The following CDH13 variants were observed in gnomAD, a reference collection of about 807,000 sequenced individuals.
CDH13 encodes the protein cadherin 13.
CDH13 carries 24 observed loss-of-function variants against 63.8 expected under a neutral mutation model. The ratio of observed to expected loss-of-function variants is 0.38; its 90% confidence interval spans 0.27 to 0.53. The LOEUF (loss-of-function observed/expected upper bound fraction) is 0.53, where lower values mean the gene tolerates loss of function less well. CDH13 is among the 20% of genes least tolerant of loss of function. CDH13 has a pLI of 0.85. For missense variants in CDH13, 1,049 were observed against 903.1 expected (o/e 1.16, Z -2.07); for synonymous variants, 503 against 355.3 (o/e 1.42, Z -4.67).
intron 1 of CDH13, among the ~76,000 whole-genome samples, chr16:82,830,839 G>A (rs1244816046): frequency 6.6e-6 from 1 of 152,184 alleles, no homozygotes; most frequent in Non-Finnish European, 1.5e-5. Context: ...CCTGGCTCTT[G>A]TTTGAAATGT....
chr16:82,867,090 C>G (rs745783739), intron 2 of CDH13, among the ~76,000 whole-genome samples: 61 of 152,128 alleles, frequency 4.0e-4, no homozygotes, highest in Non-Finnish European at 7.1e-4. Context: ...AGGGCCACCT[C>G]GAACCTCACA....
intron 2 of CDH13, among the ~76,000 whole-genome samples, chr16:82,898,860 A>T (rs2041360589): frequency 6.6e-6 from 1 of 152,246 alleles, no homozygotes; most frequent in African/African-American, 2.4e-5. Context: ...TCTGAGCTGC[A>T]GTTTAGCATT....
intron 7 of CDH13, among the ~76,000 whole-genome samples, chr16:83,551,915 A>AATGG (rs990550665): frequency 9.2e-5 from 14 of 152,138 alleles, no homozygotes; most frequent in African/African-American, 2.2e-4. Flanking sequence ...TGGATGGATG[A>AATGG]ATGGATGGAT....
At chr16:83,157,132 T>G (rs2037239944) in intron 4 of CDH13, among the ~76,000 whole-genome samples, 1 of 152,254 alleles carries the variant, frequency 6.6e-6, no homozygotes. Context: ...GTTCAGTAGA[T>G]TGTCTCAGAA....
At chr16:82,751,266 G>A (rs976984564) in intron 1 of CDH13, among the ~76,000 whole-genome samples, 65 of 152,278 alleles carry the variant, frequency 4.3e-4, no homozygotes, top group South Asian at 2.1e-4. Flanking sequence ...GGGCCCATGC[G>A]TGCGAGTTAA....
chr16:83,256,556 G>C (rs536341538), intron 5 of CDH13, among the ~76,000 whole-genome samples: 2 of 151,816 alleles, frequency 1.3e-5, no homozygotes, highest in South Asian at 4.2e-4. Flanking sequence ...CAGTGGCCAG[G>C]CACGGTGGCT....
intron 1 of CDH13, among the ~76,000 whole-genome samples, chr16:82,743,644 C>G (rs911142336): frequency 6.6e-6 from 1 of 152,160 alleles, no homozygotes; most frequent in Admixed American, 6.5e-5. Flanking sequence ...ATTTAAAATA[C>G]AGACCCAACA....
chr16:83,210,972 A>G (rs1479250188), intron 4 of CDH13, among the ~76,000 whole-genome samples: 1 of 151,732 alleles, frequency 6.6e-6, no homozygotes, highest in African/African-American at 2.4e-5. Flanking sequence ...ACACAGTGAA[A>G]CCCTGTCTCT....
chr16:82,842,061 C>T (rs2151133194), intron 1 of CDH13, among the ~76,000 whole-genome samples: 1 of 137,416 alleles, frequency 7.3e-6, no homozygotes, highest in East Asian at 2.2e-4. Context: ...TGTATTTCTC[C>T]CTTGAAATCT....
At chr16:83,377,607 GT>G (rs2091481991) in intron 6 of CDH13, among the ~76,000 whole-genome samples, 1 of 152,162 alleles carries the variant, frequency 6.6e-6, no homozygotes, top group Non-Finnish European at 1.5e-5. Context: ...GGCCATAAAT[GT>G]AAAAATAAAG....
intron 2 of CDH13, among the ~76,000 whole-genome samples, chr16:82,863,437 A>G (rs539698286): frequency 2.6e-5 from 4 of 152,296 alleles, no homozygotes; most frequent in South Asian, 4.1e-4. Flanking sequence ...TGTGGTTAAG[A>G]TCACACAGTT....
intron 2 of CDH13, among the ~76,000 whole-genome samples, chr16:82,879,947 AAC>A (rs2040640688): frequency 1.6e-5 from 2 of 128,152 alleles, no homozygotes; most frequent in Admixed American, 9.9e-5. Flanking sequence ...TATATATTAT[AAC>A]ATCAGTATGT....
chr16:83,045,466 A>G (rs994677853), intron 3 of CDH13, among the ~76,000 whole-genome samples: 1 of 151,810 alleles, frequency 6.6e-6, no homozygotes, highest in Admixed American at 6.6e-5. Flanking sequence ...GTGAAACCCT[A>G]TCTCTACTAA....
intron 2 of CDH13, among the ~76,000 whole-genome samples, chr16:83,025,966 C>T (rs1397793520): frequency 6.6e-6 from 1 of 152,128 alleles, no homozygotes; most frequent in Non-Finnish European, 1.5e-5. Flanking sequence ...GCAGGTATTG[C>T]TATTCTTTTT....
intron 6 of CDH13, among the ~76,000 whole-genome samples, chr16:83,380,098 A>G (rs1407355190): frequency 6.6e-6 from 1 of 152,066 alleles, no homozygotes; most frequent in African/African-American, 2.4e-5. Flanking sequence ...ATGATTCAAA[A>G]TGGACATTGG....
At chr16:82,774,149 C>T (rs1489986845) in intron 1 of CDH13, among the ~76,000 whole-genome samples, 2 of 152,056 alleles carry the variant, frequency 1.3e-5, no homozygotes, top group African/African-American at 4.8e-5. Flanking sequence ...AATGTGCTTC[C>T]CTAATTGGTT....
At chr16:83,348,221 C>T (rs1213962431) in intron 6 of CDH13, among the ~76,000 whole-genome samples, 3 of 152,194 alleles carry the variant, frequency 2.0e-5, no homozygotes, top group African/African-American at 7.2e-5. Context: ...GCCACGTGAC[C>T]CACTGGGTCT....
intron 8 of CDH13, among the ~76,000 whole-genome samples, chr16:83,603,950 C>G (rs1302852433): frequency 6.6e-6 from 1 of 152,008 alleles, no homozygotes; most frequent in Admixed American, 6.6e-5. Context: ...GGGAAGGTGC[C>G]ACACACTTTT....
chr16:83,276,355 T>C (rs1241188620), intron 5 of CDH13, among the ~76,000 whole-genome samples: 3 of 152,118 alleles, frequency 2.0e-5, no homozygotes, highest in Admixed American at 2.0e-4. Flanking sequence ...TTCTCTGTCT[T>C]CTCTTCACCT....
Sources: allele counts gnomAD v4.1 joint callset (sites outside exome capture counted in the v4.1 genomes callset), GRCh38; gene constraint gnomAD v4.1.1; transcripts MANE v1.5; gene names NCBI Gene and HGNC (gene_info 2026-07-23, HGNC 2026-07-21).